The following TAF1B variants were observed in gnomAD, a reference collection of about 807,000 sequenced individuals.
The protein encoded by TAF1B is TATA box-binding protein-associated factor RNA polymerase I subunit B.
TAF1B carries 61 observed loss-of-function variants against 83.9 expected under a neutral mutation model. That is an observed-to-expected ratio of 0.73 (90% confidence interval 0.59 to 0.90). TAF1B has a LOEUF of 0.90. TAF1B is among the 40% of genes least tolerant of loss of function. The pLI is 0.00. For missense variants in TAF1B, 625 were observed against 677.0 expected, an observed-to-expected ratio of 0.92 and a Z score of 0.85; for synonymous variants, 221 against 224.6, an observed-to-expected ratio of 0.98 and a Z score of 0.14.
rs535323086 is a variant in TAF1B at position 9,909,658 on chromosome 2, A to C, written c.956-1078A>C. ...TTATAAGGGTGGCCTAAGGAGCAAC[A>C]GTGACGGGAAGAAAGGGGATGGATT... On this transcript the variant is annotated intron_variant, in intron 9 of 14. Coordinates refer to ENST00000263663, the MANE Select transcript of TAF1B (RefSeq NM_005680.3). 2.6e-5 allele frequency among the ~76,000 whole-genome samples: 4 copies of C among 152,352 alleles called. No individual in the cohort carries two copies. In the South Asian group the frequency reaches 8.3e-4, roughly 32 times the overall value.
chr2:9,882,533 G>A (rs1055856704), intron 7 of TAF1B, among the ~76,000 whole-genome samples, 173 bp from the exon 8 acceptor site: 1 of 152,154 alleles, frequency 6.6e-6, no homozygotes, highest in Admixed American at 6.5e-5. Context: ...GCCAACATAT[G>A]GGTAAAGAGA....
Position 9,883,891 on chromosome 2 carries a change from A to T in TAF1B, c.807+1086A>T, listed in dbSNP as rs577234090. Among the ~76,000 whole-genome samples the T allele has an allele frequency of 3.9e-5, 6 of 152,278 alleles. 1 individual carries two copies. The South Asian group carries it at 1.0e-3, about 26-fold the overall frequency. On this transcript the variant is annotated intron_variant, in intron 8 of 14. Coordinates refer to ENST00000263663, the MANE Select transcript of TAF1B (RefSeq NM_005680.3). ...AGGAAGGATGTCATATTGTTGCGGG[A>T]TCTTTGGGGTGCCGTTTTTCTGGCT...
chr2:9,918,849 C>T (rs1665780720), intron 12 of TAF1B, among the ~76,000 whole-genome samples, 192 bp from the exon 13 acceptor site: 1 of 152,222 alleles, frequency 6.6e-6, no homozygotes, highest in Admixed American at 6.5e-5. Context: ...GCACACCATT[C>T]TCTTGGCCTG....
intron 1 of TAF1B, among the ~76,000 whole-genome samples, chr2:9,844,642 G>A (rs1203656015): frequency 4.6e-5 from 7 of 152,164 alleles, no homozygotes; most frequent in Non-Finnish European, 7.3e-5. Context: ...GTAAATGCTA[G>A]GCTGATGAAA....
chr2:9,916,118 C>T (rs1050996856), intron 12 of TAF1B, among the ~76,000 whole-genome samples: 2 of 152,122 alleles, frequency 1.3e-5, no homozygotes, highest in Non-Finnish European at 2.9e-5. Context: ...AACTGTTCTA[C>T]GTAGTAATTG....
chr2:9,878,325 C>T (rs1295663291), intron 7 of TAF1B, among the ~76,000 whole-genome samples: 3 of 151,366 alleles, frequency 2.0e-5, no homozygotes, highest in Admixed American at 6.6e-5. Flanking sequence ...AGCCTCCTAC[C>T]TTGGCCTCCT....
intron 6 of TAF1B, among the ~76,000 whole-genome samples, chr2:9,870,286 C>T (rs77368572): frequency 0.24 from 36,731 of 151,826 alleles, 5,010 homozygotes; most frequent in East Asian, 0.31. Context: ...ACCCAGGAGT[C>T]CAAAACCAGC....
At chr2:9,885,863 T>C (rs932498262) in intron 8 of TAF1B, among the ~76,000 whole-genome samples, 2 of 152,142 alleles carry the variant, frequency 1.3e-5, no homozygotes, top group Non-Finnish European at 2.9e-5. Flanking sequence ...TCCTAGTGCC[T>C]GAAATCATCA....
intron 7 of TAF1B, 57 bp from the exon 8 acceptor site, chr2:9,882,649 T>C: frequency 2.7e-6 from 3 of 1,129,560 alleles, no homozygotes; most frequent in Non-Finnish European, 3.7e-6. Flanking sequence ...TTAAAGCATT[T>C]ACTCTGCTAT....
chr2:9,843,634 G>GGACGCCGCGGGTTGGGGCGGC, intron 1 of TAF1B, 75 bp downstream of exon 1: 1 of 1,395,856 alleles, frequency 7.2e-7, no homozygotes, highest in Non-Finnish European at 9.4e-7. Flanking sequence ...GAGCGGCGGA[G>GGACGCCGCGGGTTGGGGCGGC]GACGCCGCGG....
intron 6 of TAF1B, among the ~76,000 whole-genome samples, chr2:9,875,063 G>A (rs1354229931): frequency 6.6e-6 from 1 of 151,782 alleles, no homozygotes; most frequent in Admixed American, 6.6e-5. Flanking sequence ...CCAGGTTCAA[G>A]CAATTATCCT....
intron 8 of TAF1B, among the ~76,000 whole-genome samples, chr2:9,895,485 A>T (rs1055650306): frequency 6.6e-6 from 1 of 150,556 alleles, no homozygotes; most frequent in African/African-American, 2.4e-5. Context: ...TGGGCGACAG[A>T]GTGAGACCCT....
intron 5 of TAF1B, among the ~76,000 whole-genome samples, chr2:9,857,411 GAA>G (rs1174616965): frequency 6.6e-6 from 1 of 152,172 alleles, no homozygotes; most frequent in Non-Finnish European, 1.5e-5. Flanking sequence ...GGATGTGAGA[GAA>G]AGAGAGGAAT....
At chr2:9,922,825 T>C (rs548666592) in intron 14 of TAF1B, among the ~76,000 whole-genome samples, 184 of 152,246 alleles carry the variant, frequency 1.2e-3, no homozygotes, top group African/African-American at 4.1e-3. Flanking sequence ...GAATGGAAAA[T>C]AGGGCCTACC....
At chr2:9,888,099 T>C (rs1327721056) in intron 8 of TAF1B, among the ~76,000 whole-genome samples, 1 of 152,216 alleles carries the variant, frequency 6.6e-6, no homozygotes, top group Non-Finnish European at 1.5e-5. Flanking sequence ...AATTTCATTT[T>C]ATCTCCACTG....
intron 8 of TAF1B, 54 bp downstream of exon 8, chr2:9,882,859 T>G: frequency 2.4e-5 from 30 of 1,257,616 alleles, no homozygotes; most frequent in Non-Finnish European, 3.3e-5. Context: ...AAGAGTGGTA[T>G]GATAATTTCT....
intron 5 of TAF1B, among the ~76,000 whole-genome samples, chr2:9,860,151 C>T (rs1663705290): frequency 6.6e-6 from 1 of 152,162 alleles, no homozygotes; most frequent in South Asian, 2.1e-4. Context: ...ATCCAGTCAC[C>T]TCCCACTAGG....
chr2:9,850,308 T>C (rs907036479), intron 3 of TAF1B, among the ~76,000 whole-genome samples: 2 of 152,192 alleles, frequency 1.3e-5, no homozygotes, highest in African/African-American at 4.8e-5. Flanking sequence ...TATCTTATAG[T>C]CAACCTCATC....
At chr2:9,853,131 C>T (rs1270495491) in intron 4 of TAF1B, among the ~76,000 whole-genome samples, 1 of 152,198 alleles carries the variant, frequency 6.6e-6, no homozygotes, top group East Asian at 1.9e-4. Flanking sequence ...TATAGTTACA[C>T]TATATAGCTG....
Sources: gnomAD v4.1 joint callset for allele counts (sites outside exome capture counted in the v4.1 genomes callset) on GRCh38, gnomAD v4.1.1 for gene constraint, MANE v1.5 for transcripts, NCBI Gene and HGNC (gene_info 2026-07-23, HGNC 2026-07-21) for gene names.